The following DOCK1 variants were observed in gnomAD, a reference collection of about 807,000 sequenced individuals.
The protein encoded by DOCK1 is dedicator of cytokinesis 1, also known as dedicator of cytokinesis protein 1.
DOCK1 carries 138 observed loss-of-function variants against 262.7 expected under a neutral mutation model. That is an observed-to-expected ratio of 0.53 (90% confidence interval 0.46 to 0.61). The LOEUF (loss-of-function observed/expected upper bound fraction) is 0.61, where lower values mean the gene tolerates loss of function less well. Ranked by LOEUF, DOCK1 falls within the 20% of genes least tolerant of loss-of-function variation. DOCK1 has a pLI of 0.00. For synonymous variants in DOCK1, 866 were observed against 867.4 expected (o/e 1.00, Z 0.03); for missense variants, 1,908 against 2,370.7 (o/e 0.80, Z 4.05).
chr10:127,277,410 G>A (rs10741209), intron 29 of DOCK1, among the ~76,000 whole-genome samples: 60,029 of 151,838 alleles, frequency 0.4, 12,068 homozygotes, highest in Admixed American at 0.45. Context: ...CTTAAGATAG[G>A]TCTATAGATG....
intron 27 of DOCK1, among the ~76,000 whole-genome samples, chr10:127,232,633 A>G (rs892265697): frequency 2.6e-5 from 4 of 152,170 alleles, no homozygotes; most frequent in Non-Finnish European, 5.9e-5. Context: ...CCCTGTTTCC[A>G]TTTAACCAAT....
intron 29 of DOCK1, among the ~76,000 whole-genome samples, chr10:127,270,915 T>A: frequency 6.6e-6 from 1 of 152,188 alleles, no homozygotes; most frequent in East Asian, 1.9e-4. Flanking sequence ...ACATTTTTAT[T>A]TTTGAGAAAT....
intron 1 of DOCK1, among the ~76,000 whole-genome samples, chr10:126,909,244 C>G (rs1429345577): frequency 6.6e-6 from 1 of 152,076 alleles, no homozygotes; most frequent in Non-Finnish European, 1.5e-5. Context: ...ACGGGAGGCC[C>G]CTAGCTAATG....
chr10:127,405,371 C>T (rs1381359977), intron 40 of DOCK1, among the ~76,000 whole-genome samples: 1 of 151,042 alleles, frequency 6.6e-6, no homozygotes, highest in Non-Finnish European at 1.5e-5. Context: ...ATTGTTTATA[C>T]ATTTTCTCAA....
intron 47 of DOCK1, among the ~76,000 whole-genome samples, chr10:127,432,421 G>T (rs1411885145): frequency 6.6e-6 from 1 of 151,898 alleles, no homozygotes; most frequent in East Asian, 1.9e-4. Context: ...AGATGGGCGG[G>T]GTGGGGTTGC....
chr10:127,135,033 G>A (rs540779104), intron 27 of DOCK1, among the ~76,000 whole-genome samples: 1 of 152,330 alleles, frequency 6.6e-6, no homozygotes, highest in Admixed American at 6.5e-5. Flanking sequence ...AAGATCTAGA[G>A]AGAAGCTACC....
chr10:127,224,445 C>A (rs1381453316), intron 27 of DOCK1, among the ~76,000 whole-genome samples: 1 of 151,830 alleles, frequency 6.6e-6, no homozygotes, highest in Non-Finnish European at 1.5e-5. Context: ...ACCTGTAATC[C>A]CAGCTACTTG....
Position 127,037,931 on chromosome 10 carries a change from T to G in DOCK1, c.2010+115T>G, listed in dbSNP as rs915164745. On this transcript the variant is annotated intron_variant, in intron 19 of 51. Coordinates refer to ENST00000623213, the MANE Select transcript of DOCK1 (RefSeq NM_001290223.2). ...AGTATAGGATTGTGGTTATACTCCCTTTAAAAAATAGTGACATAGGGATTG... is the reference window on the plus strand; with the variant it reads ...AGTATAGGATTGTGGTTATACTCCCGTTAAAAAATAGTGACATAGGGATTG... The G allele has an allele frequency of 4.7e-5, 40 of 852,860 alleles. 1 individual carries two copies. The East Asian group carries it at 1.1e-3, about 23-fold the overall frequency. 52.8% of individuals were successfully genotyped at this position (852,860 alleles called of 1,614,324 possible). A position where few individuals can be genotyped will look rare whatever the true frequency, so the allele number is the denominator to read the frequency against.
Position 127,158,848 on chromosome 10 carries a change from G to T in DOCK1, c.2847+31084G>T, listed in dbSNP as rs765696309. On this transcript the variant is annotated intron_variant, in intron 27 of 51. Transcript: ENST00000623213. Reference sequence around the variant, plus strand: ...CAATGCATATAGCTTGGAAAACATCGCATTCAGCACCAGGGACAGTGTTAA... The same window carrying T: ...CAATGCATATAGCTTGGAAAACATCTCATTCAGCACCAGGGACAGTGTTAA... Among the ~76,000 whole-genome samples the T allele has an allele frequency of 1.9e-4, 29 of 152,192 alleles. 1 individual carries two copies. The highest frequency in any genetic ancestry group is 8.3e-4 in the South Asian group (4 of 4,816).
At chr10:127,076,842 A>G (rs559124612) in intron 23 of DOCK1, among the ~76,000 whole-genome samples, 8 of 152,072 alleles carry the variant, frequency 5.3e-5, no homozygotes, top group Admixed American at 5.2e-4. Context: ...TGGCATTTCC[A>G]TGTTGGGGGC....
intron 27 of DOCK1, among the ~76,000 whole-genome samples, chr10:127,186,086 A>T (rs1038801101): frequency 6.6e-6 from 1 of 152,206 alleles, no homozygotes; most frequent in African/African-American, 2.4e-5. Flanking sequence ...CAGTTGTCTA[A>T]TCTGCTCTAG....
intron 1 of DOCK1, among the ~76,000 whole-genome samples, chr10:126,949,677 C>G (rs2036015696): frequency 6.6e-6 from 1 of 152,122 alleles, no homozygotes; most frequent in East Asian, 1.9e-4. Flanking sequence ...TTGACTGATG[C>G]AGGAAGGATC....
intron 23 of DOCK1, among the ~76,000 whole-genome samples, chr10:127,090,982 G>GT (rs1180115031): frequency 5.9e-5 from 8 of 136,174 alleles, no homozygotes; most frequent in East Asian, 2.1e-4. Context: ...ACGTCTATTT[G>GT]GTTTTTTTTT....
Position 126,996,704 on chromosome 10 carries a change from C to T in DOCK1, c.474-44C>T, listed in dbSNP as rs777374198. 9.1e-6 allele frequency: 14 copies of T among 1,539,338 alleles called. No individual in the cohort carries two copies. In the Admixed American group the frequency reaches 1.9e-4, roughly 21 times the overall value. ...GAAGTTGTGCTAGAAAATTCAGCCT[C>T]CTTGGTCTATGTCTGTGAACTTACT... is the stretch of plus-strand genomic sequence containing the variant. On this transcript the variant is annotated intron_variant, in intron 6 of 51. Coordinates refer to ENST00000623213, the MANE Select transcript of DOCK1 (RefSeq NM_001290223.2).
chr10:127,235,599 G>C (rs1485251840), intron 27 of DOCK1, among the ~76,000 whole-genome samples: 1 of 152,160 alleles, frequency 6.6e-6, no homozygotes, highest in African/African-American at 2.4e-5. Flanking sequence ...TACTTGTATA[G>C]AAGTCTCTGT....
At chr10:127,420,054 G>T (rs1256665834) in intron 46 of DOCK1, among the ~76,000 whole-genome samples, 1 of 152,192 alleles carries the variant, frequency 6.6e-6, no homozygotes, top group Non-Finnish European at 1.5e-5. Context: ...GAACATTGAG[G>T]TGAGCTCAGA....
At chr10:127,005,566 A>G (rs996821577) in intron 10 of DOCK1, among the ~76,000 whole-genome samples, 5 of 152,122 alleles carry the variant, frequency 3.3e-5, no homozygotes, top group African/African-American at 1.2e-4. Flanking sequence ...GTTGAAAAGA[A>G]TGTGTCACAT....
At chr10:127,295,174 C>T (rs1564971462) in intron 29 of DOCK1, among the ~76,000 whole-genome samples, 1 of 152,154 alleles carries the variant, frequency 6.6e-6, no homozygotes, top group Non-Finnish European at 1.5e-5. Context: ...GCCCATAGTT[C>T]TGCAGGCTGT....
chr10:127,060,385 A>G (rs1378242272), intron 22 of DOCK1, among the ~76,000 whole-genome samples: 1 of 152,202 alleles, frequency 6.6e-6, no homozygotes, highest in Non-Finnish European at 1.5e-5. Context: ...TATTTACAAA[A>G]CAGATCCACT....
Sources: gnomAD v4.1 joint callset for allele counts (sites outside exome capture counted in the v4.1 genomes callset) on GRCh38, gnomAD v4.1.1 for gene constraint, MANE v1.5 for transcripts, NCBI Gene and HGNC (gene_info 2026-07-23, HGNC 2026-07-21) for gene names.